IGF2BP3: variants seen among roughly 807,000 people sequenced by gnomAD.
IGF2BP3 encodes the protein insulin-like growth factor 2 mRNA-binding protein 3.
In IGF2BP3, 9 loss-of-function variants were observed where a neutral mutation model predicts 73.8. The observed-to-expected ratio is 0.12, with a 90% CI of 0.07 to 0.21. IGF2BP3 has a LOEUF of 0.21. IGF2BP3 is among the 10% of genes least tolerant of loss of function. The probability of loss-of-function intolerance (pLI) is 1.00; values close to 1 mark genes in which losing one functional copy is unlikely to be tolerated. For synonymous variants in IGF2BP3, 258 were observed against 256.7 expected (o/e 1.01, Z -0.05); for missense variants, 542 against 714.0 (o/e 0.76, Z 2.75).
Position 23,334,996 on chromosome 7 carries a change from A to G in IGF2BP3, c.1203+7068T>C, listed in dbSNP as rs572302951. ...CCTGGGTTTTTTTGTTGTTGTTTTT[A>G]AATGGATTTTGGTCTGGAACTGAAA... On this transcript the variant is annotated intron_variant, in intron 10 of 14. Coordinates refer to ENST00000258729, the MANE Select transcript of IGF2BP3 (RefSeq NM_006547.3). 8.6e-5 allele frequency among the ~76,000 whole-genome samples: 13 copies of G among 150,656 alleles called. No homozygotes were observed. The South Asian group carries it at 1.7e-3, about 20-fold the overall frequency.
intron 2 of IGF2BP3, among the ~76,000 whole-genome samples, chr7:23,458,622 C>T (rs1444786737): frequency 6.6e-6 from 1 of 152,120 alleles, no homozygotes; most frequent in East Asian, 1.9e-4. Context: ...CTCTTTAGGC[C>T]CCTCTCCAAC....
chr7:23,389,157 CCT>C (rs1562719798), intron 3 of IGF2BP3, among the ~76,000 whole-genome samples: 1 of 117,382 alleles, frequency 8.5e-6, no homozygotes, highest in African/African-American at 2.6e-5. Context: ...AGAATTATTC[CCT>C]TTTTTTTTTT....
intron 2 of IGF2BP3, among the ~76,000 whole-genome samples, chr7:23,438,794 ACT>A (rs1210505899): frequency 2.6e-5 from 4 of 152,048 alleles, no homozygotes; most frequent in Admixed American, 6.6e-5. Flanking sequence ...CAGTTAAATT[ACT>A]TTCTCAGAAA....
intron 10 of IGF2BP3, among the ~76,000 whole-genome samples, chr7:23,334,610 G>C (rs1039714873): frequency 6.6e-6 from 1 of 152,152 alleles, no homozygotes; most frequent in Non-Finnish European, 1.5e-5. Context: ...CATTCTTTGG[G>C]ACTGAAGGAT....
rs1784812986 is a variant in IGF2BP3 at position 23,345,735 on chromosome 7, T to C, written c.941+205A>G. 1.3e-5 allele frequency among the ~76,000 whole-genome samples: 2 copies of C among 152,224 alleles called. 1 individual carries two copies. The highest frequency in any genetic ancestry group is 4.1e-4 in the South Asian group (2 of 4,834). ...CTTTAGAAAACATGAATGTAAAGCATTTGGTTCCTCCTGCCAGAAGCAGAT... is the reference window on the plus strand; with the variant it reads ...CTTTAGAAAACATGAATGTAAAGCACTTGGTTCCTCCTGCCAGAAGCAGAT... On this transcript the variant is annotated intron_variant, in intron 8 of 14. Transcript: ENST00000258729.
chr7:23,455,969 G>A (rs1432677217), intron 2 of IGF2BP3, among the ~76,000 whole-genome samples: 1 of 152,176 alleles, frequency 6.6e-6, no homozygotes, highest in Non-Finnish European at 1.5e-5. Flanking sequence ...ACAGGCATGA[G>A]CCACTGCGCC....
chr7:23,407,880 AT>A (rs1786886453), intron 3 of IGF2BP3, among the ~76,000 whole-genome samples: 1 of 147,056 alleles, frequency 6.8e-6, no homozygotes, highest in Admixed American at 6.9e-5. Context: ...AGCAAAAAGA[AT>A]AAAATACCAC....
intron 2 of IGF2BP3, 151 bp from the exon 3 acceptor site, chr7:23,418,975 A>G (rs1787269872): frequency 1.8e-6 from 1 of 554,016 alleles, no homozygotes; most frequent in Admixed American, 3.1e-5. Flanking sequence ...AAGAAGGAAA[A>G]GCAAAGAAGC....
chr7:23,372,509 T>C (rs977236839), intron 3 of IGF2BP3, among the ~76,000 whole-genome samples: 2 of 152,206 alleles, frequency 1.3e-5, no homozygotes, highest in African/African-American at 2.4e-5. Context: ...CCAAAGTCCA[T>C]TGTATCATTC....
At chr7:23,462,552 C>T (rs974172163) in intron 2 of IGF2BP3, among the ~76,000 whole-genome samples, 2 of 151,988 alleles carry the variant, frequency 1.3e-5, no homozygotes, top group African/African-American at 2.4e-5. Flanking sequence ...TTAGTAGAGA[C>T]GGGGTTTCAC....
chr7:23,415,273 C>T (rs1051647951), intron 3 of IGF2BP3: 2 of 246,220 alleles, frequency 8.1e-6, no homozygotes, highest in South Asian at 7.3e-5. Context: ...ACCGCATCAC[C>T]AAGTCCCTGT....
At chr7:23,367,669 C>T (rs1481478322) in intron 3 of IGF2BP3, among the ~76,000 whole-genome samples, 41 of 151,882 alleles carry the variant, frequency 2.7e-4, no homozygotes, top group Admixed American at 2.6e-3. Flanking sequence ...GTATTTAGGA[C>T]GTGAAACCCT....
chr7:23,457,421 C>T (rs537035153), intron 2 of IGF2BP3, among the ~76,000 whole-genome samples: 5 of 151,944 alleles, frequency 3.3e-5, no homozygotes, highest in South Asian at 2.1e-4. Context: ...GCAGAGATCG[C>T]GCCACTGCAC....
chr7:23,384,043 C>A (rs1051263064), intron 3 of IGF2BP3, among the ~76,000 whole-genome samples: 2 of 148,054 alleles, frequency 1.4e-5, no homozygotes, highest in Non-Finnish European at 3.0e-5. Context: ...TTGCAGTGAG[C>A]CGAGATTGTG....
Position 23,346,030 on chromosome 7 carries a change from T to C in IGF2BP3, c.851A>G (p.His284Arg), listed in dbSNP as rs1784820217. Residue 284 changes from histidine (H) to arginine (R), a missense_variant, in exon 8 of 15, where the codon CAT becomes CGT. This residue lies in a region of IGF2BP3 where 303 missense variants were observed against 472.1 expected (regional missense o/e 0.64). Coordinates refer to ENST00000258729, the MANE Select transcript of IGF2BP3 (RefSeq NM_006547.3). ...TEEIPLKILA[H>R]NNFVGRLIGK... ...AATAAGACGTCCAACAAAGTTATTA[T>C]GAGCTAAAATCTTCAAGGGGATCTC... 1 of 1,613,534 alleles carries C rather than the reference T, an allele frequency of 6.2e-7. No individual in the cohort carries two copies. The highest frequency in any genetic ancestry group is 1.7e-5 in the Admixed American group (1 of 60,000).
At chr7:23,444,256 G>C (rs1004369979) in intron 2 of IGF2BP3, among the ~76,000 whole-genome samples, 3 of 151,942 alleles carry the variant, frequency 2.0e-5, no homozygotes, top group Admixed American at 2.0e-4. Flanking sequence ...TCTTTAACAA[G>C]TACAATAATG....
chr7:23,368,240 T>C (rs1030354335), intron 3 of IGF2BP3, among the ~76,000 whole-genome samples: 1 of 151,816 alleles, frequency 6.6e-6, no homozygotes, highest in African/African-American at 2.4e-5. Context: ...GAGGTACTTA[T>C]ACATGCTGCA....
intron 3 of IGF2BP3, among the ~76,000 whole-genome samples, chr7:23,417,308 ATTAACT>A: frequency 6.6e-6 from 1 of 152,344 alleles, no homozygotes; most frequent in East Asian, 1.9e-4. Context: ...CTCTTGCTTA[ATTAACT>A]TTATCTTGCG....
chr7:23,447,282 A>C (rs1389849378), intron 2 of IGF2BP3, among the ~76,000 whole-genome samples: 2 of 151,994 alleles, frequency 1.3e-5, no homozygotes, highest in Admixed American at 6.6e-5. Flanking sequence ...CCACAAAATA[A>C]ACAAACAAAC....
Sources: gnomAD v4.1 joint callset for allele counts (sites outside exome capture counted in the v4.1 genomes callset) on GRCh38, gnomAD v4.1.1 for gene constraint, gnomAD v4.1.1 regional missense constraint, MANE v1.5 for transcripts, NCBI Gene and HGNC (gene_info 2026-07-23, HGNC 2026-07-21) for gene names.